MTREX: variants seen among roughly 807,000 people sequenced by gnomAD.
The protein encoded by MTREX is exosome RNA helicase MTR4.
Under a neutral mutation model 135.4 loss-of-function variants are expected in MTREX, and 76 were observed. That is an observed-to-expected ratio of 0.56 (90% CI 0.47 to 0.68). MTREX has a LOEUF of 0.68. Among genes scored for constraint, MTREX ranks in the 30% least tolerant of loss-of-function variants. The pLI is 0.00. For missense variants in MTREX, 920 were observed against 1,262.1 expected (o/e 0.73, Z 4.11); for synonymous variants, 404 against 401.6 (o/e 1.01, Z -0.07).
intron 12 of MTREX, 143 bp from the exon 13 acceptor site, chr5:55,350,776 T>G: frequency 1.2e-5 from 8 of 685,702 alleles, no homozygotes; most frequent in East Asian, 3.0e-5. Flanking sequence ...AATATAGGTT[T>G]GAGTTTTGCT....
intron 10 of MTREX, 33 bp downstream of exon 10, chr5:55,345,229 C>T: frequency 7.3e-7 from 1 of 1,364,324 alleles, no homozygotes; most frequent in Non-Finnish European, 1.0e-6. Flanking sequence ...GAGAATTTTA[C>T]ATGTAAATTG....
chr5:55,417,983 C>G (rs1036089432), intron 25 of MTREX, among the ~76,000 whole-genome samples: 1 of 149,810 alleles, frequency 6.7e-6, no homozygotes, highest in Admixed American at 6.6e-5. Context: ...GCCGGTAATC[C>G]CAACACTTTG....
At chr5:55,372,154 G>A (rs897017246) in intron 16 of MTREX, among the ~76,000 whole-genome samples, 9 of 152,048 alleles carry the variant, frequency 5.9e-5, no homozygotes, top group African/African-American at 7.2e-5. Context: ...CTCCATTTTC[G>A]TGTAACTCTT....
chr5:55,338,580 T>C (rs1749590354), intron 5 of MTREX, among the ~76,000 whole-genome samples: 1 of 151,482 alleles, frequency 6.6e-6, no homozygotes, highest in African/African-American at 2.4e-5. Flanking sequence ...CCTACCTCTT[T>C]CTTATTTTGG....
chr5:55,333,878 T>C (rs1749512934), intron 5 of MTREX, among the ~76,000 whole-genome samples: 1 of 152,118 alleles, frequency 6.6e-6, no homozygotes, highest in Non-Finnish European at 1.5e-5. Context: ...TGATAACAGG[T>C]ACCTAAACAA....
At position 55,422,867 on chromosome 5, in the gene MTREX, T is replaced by C. The variant is rs762822719; in HGVS notation, c.2972-11T>C. On this transcript the variant is annotated splice_polypyrimidine_tract_variant and intron_variant, in intron 25 of 26. Transcript: ENST00000230640. ...TCCATTTTACCAGTGTTTTGTTCCT[T>C]TTCTATCCAGGCAGCATAATTCGTT... is the stretch of plus-strand genomic sequence containing the variant. The C allele has an allele frequency of 1.2e-6, 2 of 1,606,176 alleles. No homozygotes were observed. The highest frequency in any genetic ancestry group is 1.7e-6 in the Non-Finnish European group (2 of 1,176,748).
At chr5:55,330,452 C>T (rs1289641964) in intron 5 of MTREX, among the ~76,000 whole-genome samples, 6 of 151,804 alleles carry the variant, frequency 4.0e-5, no homozygotes, top group Admixed American at 1.3e-4. Context: ...CTTTTTTTAG[C>T]TTCCTTTTTT....
At chr5:55,364,455 G>A (rs1750064156) in intron 15 of MTREX, among the ~76,000 whole-genome samples, 1 of 152,154 alleles carries the variant, frequency 6.6e-6, no homozygotes, top group Admixed American at 6.5e-5. Context: ...TTCGTTGGGG[G>A]AAAATAAAAT....
rs112668854 is a variant in MTREX at position 55,375,435 on chromosome 5, G to A, written c.1811-2879G>A. Among the ~76,000 whole-genome samples the A allele has an allele frequency of 6.9e-3, 1,053 of 152,254 alleles. 15 individuals carry two copies. The highest frequency in any genetic ancestry group is 0.023 in the African/African-American group (937 of 41,540). The stretch of plus-strand genomic sequence containing the variant: ...TCCATGCTGAGAAAAGGAATTCATC[G>A]ATATTTCTCCCATTTGCTTTTGAAA... On this transcript the variant is annotated intron_variant, in intron 16 of 26. Transcript: ENST00000230640.
chr5:55,425,088 G>A lies in MTREX; in HGVS notation c.*316G>A. 1 of 1,316,052 alleles carries A rather than the reference G, an allele frequency of 7.6e-7. No homozygotes were observed. 81.5% of individuals were successfully genotyped at this position (1,316,052 alleles called of 1,614,324 possible). On this transcript the variant is annotated 3_prime_UTR_variant, in exon 27 of 27. Transcript: ENST00000230640. ...ACAAAGTGTGCATCCAAGAGGCATA[G>A]CAGCAGCAGAAGTCTTTAAAGGCTT...
At chr5:55,313,168 G>T (rs1749143009) in intron 1 of MTREX, among the ~76,000 whole-genome samples, 2 of 151,826 alleles carry the variant, frequency 1.3e-5, no homozygotes, top group African/African-American at 4.8e-5. Context: ...CCAGGCACAT[G>T]GCTCATTTCT....
rs940306588 is a variant in MTREX at position 55,413,636 on chromosome 5, G to A, written c.2752-546G>A. Among the ~76,000 whole-genome samples the A allele has an allele frequency of 6.6e-5, 10 of 152,182 alleles. 1 individual carries two copies. The highest frequency in any genetic ancestry group is 3.9e-4 in the Admixed American group (6 of 15,284). The stretch of plus-strand genomic sequence containing the variant: ...AGAAATTGACAGAATTTTCAGCTGT[G>A]GGAAAGCAATACTAAGAATACTGAA... On this transcript the variant is annotated intron_variant, in intron 23 of 26. Coordinates refer to ENST00000230640, the MANE Select transcript of MTREX (RefSeq NM_015360.5).
chr5:55,318,241 C>G (rs1749230522), intron 1 of MTREX, among the ~76,000 whole-genome samples: 1 of 152,070 alleles, frequency 6.6e-6, no homozygotes, highest in African/African-American at 2.4e-5. Context: ...AACAGATATA[C>G]CATTAGACCC....
At position 55,379,977 on chromosome 5, in the gene MTREX, C is replaced by T. The variant is rs1024477440; in HGVS notation, c.2052+782C>T. Among the ~76,000 whole-genome samples, 4 of 152,170 alleles carry T rather than the reference C, an allele frequency of 2.6e-5. No homozygotes were observed. In the East Asian group the frequency reaches 5.8e-4, roughly 22 times the overall value. On this transcript the variant is annotated intron_variant, in intron 18 of 26. Coordinates refer to ENST00000230640, the MANE Select transcript of MTREX (RefSeq NM_015360.5). ...TTGAGACGGAGTCTCGCTCTGTCGC[C>T]CAGGCTGGAGTACAGTGGCACGATC...
At chr5:55,378,898 G>A (rs1301187970) in intron 17 of MTREX, among the ~76,000 whole-genome samples, 2 of 152,138 alleles carry the variant, frequency 1.3e-5, no homozygotes, top group African/African-American at 4.8e-5. Flanking sequence ...TGCCAACTGA[G>A]AGATTCCTGT....
intron 16 of MTREX, among the ~76,000 whole-genome samples, chr5:55,370,420 G>A (rs975185747): frequency 2.6e-5 from 4 of 152,022 alleles, no homozygotes; most frequent in Admixed American, 2.0e-4. Context: ...TTTGTGTTTT[G>A]TTTTTTCAAT....
chr5:55,340,037 A>G lies in MTREX; in HGVS notation c.543A>G (p.Glu181=), dbSNP rs1358286831. The G allele has an allele frequency of 1.9e-6, 3 of 1,570,856 alleles. No homozygotes were observed. The highest frequency in any genetic ancestry group is 2.4e-5 in the South Asian group (2 of 83,234). ...AEYAIALALR[E]KQRVIFTSPI... ...ATGCCATTGCATTGGCCTTAAGGGAAAAGCAGCGTGTAATATTTACCAGCC... is the reference window on the plus strand; with the variant it reads ...ATGCCATTGCATTGGCCTTAAGGGAGAAGCAGCGTGTAATATTTACCAGCC... Residue 181 remains glutamate (E), a synonymous_variant, in exon 6 of 27, where the codon GAA becomes GAG. Coordinates refer to ENST00000230640, the MANE Select transcript of MTREX (RefSeq NM_015360.5).
At chr5:55,404,957 G>A (rs569370375) in intron 21 of MTREX, among the ~76,000 whole-genome samples, 7 of 151,730 alleles carry the variant, frequency 4.6e-5, no homozygotes, top group East Asian at 3.9e-4. Context: ...GCATGCGCCC[G>A]CCACCATGCC....
chr5:55,349,568 C>T lies in MTREX; in HGVS notation c.1241-5C>T. 1 of 1,504,442 alleles carries T rather than the reference C, an allele frequency of 6.6e-7. No homozygotes were observed. Among genetic ancestry groups the T allele is most frequent in the Non-Finnish European group, 9.2e-7 (1 of 1,082,524 alleles). 93.2% of individuals were successfully genotyped at this position (1,504,442 alleles called of 1,614,324 possible). On this transcript the variant is annotated splice_polypyrimidine_tract_variant and splice_region_variant and intron_variant, in intron 11 of 26. Transcript: ENST00000230640. Reference sequence around the variant, plus strand: ...ATATTTCTGTACCCTTGAATTTTCTCCTAGATGAAGAAAAGAAGATGGTTG... The same window carrying T: ...ATATTTCTGTACCCTTGAATTTTCTTCTAGATGAAGAAAAGAAGATGGTTG...
Sources: gnomAD v4.1 joint callset for allele counts (sites outside exome capture counted in the v4.1 genomes callset) on GRCh38, gnomAD v4.1.1 for gene constraint, MANE v1.5 for transcripts, NCBI Gene and HGNC (gene_info 2026-07-23, HGNC 2026-07-21) for gene names.